The following CELSR1 variants were observed in gnomAD, a reference collection of about 807,000 sequenced individuals.
CELSR1 encodes adhesion G protein-coupled receptor C1.
Under a neutral mutation model 249.1 loss-of-function variants are expected in CELSR1, and 110 were observed. The ratio of observed to expected loss-of-function variants is 0.44; its 90% CI spans 0.38 to 0.52. The LOEUF is 0.52. Ranked by LOEUF, CELSR1 falls within the 20% of genes least tolerant of loss-of-function variation. CELSR1 has a pLI of 0.00. For missense variants in CELSR1, 4,109 were observed against 4,296.4 expected, an observed-to-expected ratio of 0.96 and a Z score of 1.22; for synonymous variants, 2,113 against 1,900.0, an observed-to-expected ratio of 1.11 and a Z score of -2.92.
chr22:46,384,138 G>C (rs537038976), intron 20 of CELSR1, among the ~76,000 whole-genome samples: 1 of 151,826 alleles, frequency 6.6e-6, no homozygotes, highest in Non-Finnish European at 1.5e-5. Flanking sequence ...GTTTTACCAC[G>C]TTGGCCAGGC....
Position 46,490,085 on chromosome 22 carries a change from G to A in CELSR1, c.3545-25740C>T, listed in dbSNP as rs548284815. ...GGGCTGCACAGAGACCCAGTGAGCCGCTTTCTGAGAACCAACGTTCCCAAG... is the reference window on the plus strand; with the variant it reads ...GGGCTGCACAGAGACCCAGTGAGCCACTTTCTGAGAACCAACGTTCCCAAG... On this transcript the variant is annotated intron_variant, in intron 1 of 34. Coordinates refer to ENST00000674500, the MANE Select transcript of CELSR1 (RefSeq NM_001378328.1). This position sits in a 1 kb window ranked among gnomAD's most constrained non-coding sequence, Gnocchi z 5.2. 8.5e-5 allele frequency among the ~76,000 whole-genome samples: 13 copies of A among 152,246 alleles called. No individual in the cohort carries two copies. Among genetic ancestry groups the A allele is most frequent in the East Asian group, 3.9e-4 (2 of 5,170 alleles).
intron 2 of CELSR1, among the ~76,000 whole-genome samples, chr22:46,439,926 GCCCT>G (rs1351044795): frequency 2.7e-5 from 4 of 149,886 alleles, no homozygotes; most frequent in Non-Finnish European, 5.9e-5. Flanking sequence ...ACTGCCGTCC[GCCCT>G]CCCACCCCTC....
intron 22 of CELSR1, among the ~76,000 whole-genome samples, chr22:46,379,993 G>A (rs1368322324): frequency 2.6e-5 from 4 of 152,142 alleles, no homozygotes; most frequent in Admixed American, 2.6e-4. Context: ...CAGAGAAAAG[G>A]CAAGCTCCCT....
chr22:46,514,602 C>T (rs2080607767), intron 1 of CELSR1, among the ~76,000 whole-genome samples: 1 of 152,172 alleles, frequency 6.6e-6, no homozygotes, highest in African/African-American at 2.4e-5. Flanking sequence ...AGGGATAATG[C>T]AATGGCCCCT....
Position 46,536,061 on chromosome 22 carries a change from G to A in CELSR1, c.1110C>T (p.Tyr370=), listed in dbSNP as rs1463201623. Residue 370 remains tyrosine (Y), a synonymous_variant, in exon 1 of 35, where the codon TAC becomes TAT. Transcript: ENST00000674500. ...ERVRENLEVG[Y]EVLTIRASDR... is the part of the protein sequence containing the mutation. ...CGCTGGCGCGGATGGTCAGCACCTC[G>A]TAGCCCACCTCCAGGTTCTCCCGCA... The A allele has an allele frequency of 6.2e-6, 10 of 1,610,830 alleles. No individual in the cohort carries two copies. The East Asian group carries it at 1.1e-4, about 18-fold the overall frequency.
At position 46,417,925 on chromosome 22, in the gene CELSR1, G is replaced by A. The variant is rs1232581432; in HGVS notation, c.4612-6166C>T. 1.3e-5 allele frequency among the ~76,000 whole-genome samples: 2 copies of A among 152,220 alleles called. No individual in the cohort carries two copies. The highest frequency in any genetic ancestry group is 2.9e-5 in the Non-Finnish European group (2 of 68,044). On this transcript the variant is annotated intron_variant, in intron 5 of 34. Transcript: ENST00000674500. This position sits in a 1 kb window ranked among gnomAD's most constrained non-coding sequence, Gnocchi z 4.1. ...GACAGCAGTGTCCACAGCATCCAAT[G>A]GACATCACCTCCTTAAAGCCAAGGG...
chr22:46,382,692 C>T (rs1018498962), intron 20 of CELSR1, among the ~76,000 whole-genome samples: 11 of 152,166 alleles, frequency 7.2e-5, no homozygotes, highest in African/African-American at 1.9e-4. Flanking sequence ...GCGCTCCATC[C>T]GCACAATGGA....
At chr22:46,425,274 C>T (rs1483772909) in intron 5 of CELSR1, among the ~76,000 whole-genome samples, 1 of 152,158 alleles carries the variant, frequency 6.6e-6, no homozygotes, top group Non-Finnish European at 1.5e-5. Context: ...TTTAGTCTGT[C>T]TTCATCTGGT....
chr22:46,391,726 T>G lies in CELSR1; in HGVS notation c.6055A>C (p.Thr2019Pro), dbSNP rs763993173. 5.6e-6 allele frequency: 9 copies of G among 1,611,924 alleles called. No homozygotes were observed. Among genetic ancestry groups the G allele is most frequent in the Non-Finnish European group, 6.8e-6 (8 of 1,179,838 alleles). The stretch of plus-strand genomic sequence containing the variant: ...CCGGGCTTGCAGGCACACTGCCCGG[T>G]GGCCATGTCGCAAGTGCGGCTGTGG... The part of the protein sequence containing the change: ...GSHSRTCDMA[T>P]GQCACKPGVI... The change falls in exon 15 of 35, where the codon ACC becomes CCC. Residue 2019 changes from threonine (T) to proline (P), a missense_variant. This residue lies in a region of CELSR1 where 1,805 missense variants were observed against 1,831.6 expected (regional missense o/e 0.99). Transcript: ENST00000674500. The surrounding 1 kb of genome is among the most constrained non-coding windows in gnomAD (Gnocchi z 4.3).
rs1216512142 is a variant in CELSR1, at chr22:46,536,142, G to T, written c.1029C>A (p.Val343=). ...CCGGGCTGTGGTCGTTGGTGTCTTT[G>T]ACCAAGACAGTGATGTAGGTGGTGG... The part of the protein sequence containing the change: ...RSATTYITVL[V]KDTNDHSPVF... The change falls in exon 1 of 35, where the codon GTC becomes GTA. Residue 343 remains valine (V), a synonymous_variant. Coordinates refer to ENST00000674500, the MANE Select transcript of CELSR1 (RefSeq NM_001378328.1). The T allele has an allele frequency of 1.9e-6, 3 of 1,612,764 alleles. No homozygotes were observed. Among genetic ancestry groups the T allele is most frequent in the Admixed American group, 1.7e-5 (1 of 60,010 alleles).
Position 46,393,133 on chromosome 22 carries a change from G to A in CELSR1, c.5964+1009C>T, listed in dbSNP as rs988375489. Among the ~76,000 whole-genome samples the A allele has an allele frequency of 6.6e-6, 1 of 152,164 alleles. No homozygotes were observed. Among genetic ancestry groups the A allele is most frequent in the Non-Finnish European group, 1.5e-5 (1 of 68,018 alleles). ...TTCCCTCCTAGGGCCAGCCGCATCT[G>A]CAGGAAGCTCACGTCCCTCGCCCAG... On this transcript the variant is annotated intron_variant, in intron 14 of 34. Coordinates refer to ENST00000674500, the MANE Select transcript of CELSR1 (RefSeq NM_001378328.1). This position sits in a 1 kb window ranked among gnomAD's most constrained non-coding sequence, Gnocchi z 4.1.
intron 11 of CELSR1, 81 bp from the exon 12 acceptor site, chr22:46,397,929 T>A: frequency 1.7e-6 from 2 of 1,209,188 alleles, no homozygotes; most frequent in Non-Finnish European, 2.2e-6. Flanking sequence ...ACCTCTCTGG[T>A]CCCTTGCGAG....
rs996749377 is a variant in CELSR1 at position 46,447,055 on chromosome 22, G to A, written c.4184-7644C>T. Among the ~76,000 whole-genome samples the A allele has an allele frequency of 5.3e-5, 8 of 152,112 alleles. No homozygotes were observed. The highest frequency in any genetic ancestry group is 1.0e-4 in the Non-Finnish European group (7 of 68,020). The stretch of plus-strand genomic sequence containing the variant: ...CTGTTTATAGGGAGCTGGAGGGGCT[G>A]CTAGCATGAGTGGATTACAGCGCTG... On this transcript the variant is annotated intron_variant, in intron 2 of 34. Transcript: ENST00000674500. The surrounding 1 kb of genome is among the most constrained non-coding windows in gnomAD (Gnocchi z 4.7).
intron 2 of CELSR1, among the ~76,000 whole-genome samples, chr22:46,463,331 C>T (rs2080053862): frequency 6.6e-6 from 1 of 152,154 alleles, no homozygotes; most frequent in Non-Finnish European, 1.5e-5. Flanking sequence ...GCCTGACCAA[C>T]ATGGCGAAAC....
At position 46,407,949 on chromosome 22, in the gene CELSR1, G is replaced by A. The variant is rs2079285170; in HGVS notation, c.5226+1047C>T. Among the ~76,000 whole-genome samples the A allele has an allele frequency of 1.3e-5, 2 of 152,214 alleles. No individual in the cohort carries two copies. The highest frequency in any genetic ancestry group is 1.3e-4 in the Admixed American group (2 of 15,290). ...AGATGCACAGGCAGAGGGGCAAGAG[G>A]GCAAGCCGAGGGCCGGGCACCCTCC... On this transcript the variant is annotated intron_variant, in intron 9 of 34. Coordinates refer to ENST00000674500, the MANE Select transcript of CELSR1 (RefSeq NM_001378328.1). The surrounding 1 kb of genome is among the most constrained non-coding windows in gnomAD (Gnocchi z 4.8).
intron 5 of CELSR1, among the ~76,000 whole-genome samples, chr22:46,424,012 T>C (rs1602116358): frequency 6.6e-6 from 1 of 152,050 alleles, no homozygotes; most frequent in African/African-American, 2.4e-5. Flanking sequence ...TTGGAGAGCA[T>C]AGGGTTATCC....
intron 29 of CELSR1, 132 bp downstream of exon 29, chr22:46,366,861 G>C (rs1363169409): frequency 3.1e-6 from 4 of 1,292,976 alleles, no homozygotes; most frequent in Admixed American, 2.7e-5. Flanking sequence ...ACCGTGCACC[G>C]CGGGCGGCTC....
chr22:46,513,944 G>C (rs947454856), intron 1 of CELSR1, among the ~76,000 whole-genome samples: 4 of 151,740 alleles, frequency 2.6e-5, no homozygotes, highest in African/African-American at 9.7e-5. Context: ...ACAGGTGCAC[G>C]CATCCACACC....
At position 46,396,205 on chromosome 22, in the gene CELSR1, G is replaced by A. The variant is rs960898952; in HGVS notation, c.5843+400C>T. On this transcript the variant is annotated intron_variant, in intron 13 of 34. Coordinates refer to ENST00000674500, the MANE Select transcript of CELSR1 (RefSeq NM_001378328.1). This position sits in a 1 kb window ranked among gnomAD's most constrained non-coding sequence, Gnocchi z 6.4. ...GTGGATCACTTGAGGTCAGGAGTTC[G>A]AGACCAGCCTGACCAATATGGTGAA... Among the ~76,000 whole-genome samples, 1 of 152,070 alleles carries A rather than the reference G, an allele frequency of 6.6e-6. No individual in the cohort carries two copies. The highest frequency in any genetic ancestry group is 2.4e-5 in the African/African-American group (1 of 41,392).
Sources: allele counts gnomAD v4.1 joint callset (sites outside exome capture counted in the v4.1 genomes callset), GRCh38; gene constraint gnomAD v4.1.1; regional missense constraint gnomAD v4.1.1; non-coding constraint Gnocchi (gnomAD v3.1); transcripts MANE v1.5; gene names NCBI Gene and HGNC (gene_info 2026-07-23, HGNC 2026-07-21).